The following RFC2 variants were observed in gnomAD, a reference collection of about 807,000 sequenced individuals.
The protein encoded by RFC2 is replication factor C subunit 2, also known as A1 40 kDa subunit.
Under a neutral mutation model 44.8 loss-of-function variants are expected in RFC2, and 34 were observed. The ratio of observed to expected loss-of-function variants is 0.76; its 90% CI spans 0.58 to 1.01. RFC2 has a LOEUF of 1.01. RFC2 is among the 50% of genes least tolerant of loss of function. RFC2 has a pLI of 0.00. For missense variants in RFC2, 400 were observed against 453.6 expected, an observed-to-expected ratio of 0.88 and a Z score of 1.07; for synonymous variants, 177 against 168.9, an observed-to-expected ratio of 1.05 and a Z score of -0.37.
chr7:74,233,842 T>A, intron 10 of RFC2: 3 of 456,612 alleles, frequency 6.6e-6, no homozygotes, highest in South Asian at 4.6e-5. Flanking sequence ...TCCTCCGGAA[T>A]GCTGGTGGGA....
chr7:74,235,576 T>A lies in RFC2; in HGVS notation c.910A>T (p.Lys304Ter), dbSNP rs782700036. Residue 304 changes from lysine to a stop codon, truncating the protein, a stop_gained, in exon 10 of 11, where the codon AAA becomes TAA. Coordinates refer to ENST00000055077, the MANE Select transcript of RFC2 (RefSeq NM_181471.3). LOFTEE classifies it high-confidence loss of function. ...DIIGNIFRVC[K>*]TFQMAEYLKL... The stretch of plus-strand genomic sequence containing the variant: ...AGGTATTCTGCCATTTGGAAAGTTT[T>A]ACACACTCGAAAGATGTTGCCAATG... 3 of 1,613,802 alleles carry A rather than the reference T, an allele frequency of 1.9e-6. No homozygotes were observed. In the South Asian group the frequency reaches 3.3e-5, roughly 18 times the overall value.
At chr7:74,248,942 A>C (rs2116333457) in intron 4 of RFC2, 70 bp downstream of exon 4, 1 of 1,077,066 alleles carries the variant, frequency 9.3e-7, no homozygotes, top group South Asian at 1.3e-5. Context: ...CAATGCTGAG[A>C]AAGGTTGTTT....
At chr7:74,249,535 C>T (rs189397391) in intron 3 of RFC2, among the ~76,000 whole-genome samples, 13 of 151,020 alleles carry the variant, frequency 8.6e-5, no homozygotes, top group Admixed American at 8.6e-4. Flanking sequence ...AGTGAGACTC[C>T]GTTTCAGAAA....
chr7:74,252,735 G>C (rs1197471169), intron 1 of RFC2, among the ~76,000 whole-genome samples: 7 of 152,076 alleles, frequency 4.6e-5, no homozygotes, highest in Non-Finnish European at 1.0e-4. Flanking sequence ...AGGAGTTTGA[G>C]CCCAGTCTGG....
At chr7:74,234,707 T>C (rs1802910272) in intron 10 of RFC2, among the ~76,000 whole-genome samples, 1 of 152,098 alleles carries the variant, frequency 6.6e-6, no homozygotes, top group African/African-American at 2.4e-5. Context: ...ATTAGGTCCC[T>C]GGAGAGCTGG....
chr7:74,242,489 T>C (rs1803387236), intron 6 of RFC2, among the ~76,000 whole-genome samples: 1 of 152,128 alleles, frequency 6.6e-6, no homozygotes, highest in Non-Finnish European at 1.5e-5. Flanking sequence ...TAAAAGTTGA[T>C]TACAATGGGA....
rs544209283 is a variant in RFC2, at chr7:74,241,998, G to A, written c.535+1148C>T. Among the ~76,000 whole-genome samples, 8 of 152,264 alleles carry A rather than the reference G, an allele frequency of 5.3e-5. No individual in the cohort carries two copies. In the South Asian group the frequency reaches 1.7e-3, roughly 32 times the overall value. Reference sequence around the variant, plus strand: ...GAGAAGGATGTGAAACCAGCAGGAAGTTGACAGACTAGAGCACTCTTGGGA... The same window carrying A: ...GAGAAGGATGTGAAACCAGCAGGAAATTGACAGACTAGAGCACTCTTGGGA... On this transcript the variant is annotated intron_variant, in intron 6 of 10. Transcript: ENST00000055077.
intron 5 of RFC2, among the ~76,000 whole-genome samples, chr7:74,245,516 TC>T (rs1803551122): frequency 7.4e-6 from 1 of 136,024 alleles, no homozygotes; most frequent in Non-Finnish European, 1.6e-5. Flanking sequence ...ATCAAGACCA[TC>T]CTGGCTAACA....
chr7:74,245,898 TA>T (rs1803575344), intron 5 of RFC2, among the ~76,000 whole-genome samples: 1 of 150,948 alleles, frequency 6.6e-6, no homozygotes, highest in Admixed American at 6.6e-5. Context: ...CCATCTCTAC[TA>T]AAAATACAAA....
chr7:74,242,749 TAAAAAAAAAAAA>T (rs71094767), intron 6 of RFC2, among the ~76,000 whole-genome samples: 1 of 105,650 alleles, frequency 9.5e-6, no homozygotes, highest in Non-Finnish European at 1.9e-5. Flanking sequence ...CCCCATCTCT[TAAAAAAAAAAAA>T]AAAAAAAAAA....
At chr7:74,246,610 GA>G in intron 5 of RFC2, 51 bp downstream of exon 5, 2 of 1,267,356 alleles carry the variant, frequency 1.6e-6, no homozygotes, top group Admixed American at 4.0e-5. Flanking sequence ...GAATAAAACC[GA>G]AAAAGAGATT....
At chr7:74,239,621 G>A (rs977388988) in intron 7 of RFC2, among the ~76,000 whole-genome samples, 1 of 152,158 alleles carries the variant, frequency 6.6e-6, no homozygotes, top group African/African-American at 2.4e-5. Context: ...GTGAGCCACT[G>A]TGCCTGGCCA....
rs185863585 is a variant in RFC2, at chr7:74,245,189, C to A, written c.434+1473G>T. ...GGATTACAGGTATGTGCCACCACAC[C>A]TGGCTAATTTTGTATTTTTAGTAGA... On this transcript the variant is annotated intron_variant, in intron 5 of 10. Transcript: ENST00000055077. Among the ~76,000 whole-genome samples the A allele has an allele frequency of 9.1e-4, 138 of 151,888 alleles. No individual in the cohort carries two copies. The Middle Eastern group carries it at 0.014, about 15-fold the overall frequency.
At chr7:74,240,819 G>C (rs781828846) in intron 6 of RFC2, among the ~76,000 whole-genome samples, 13 of 152,148 alleles carry the variant, frequency 8.5e-5, no homozygotes, top group Non-Finnish European at 1.0e-4. Context: ...TCATAGACAG[G>C]GTTTTGCTGT....
chr7:74,252,200 G>C (rs1787002511), intron 2 of RFC2, among the ~76,000 whole-genome samples: 1 of 149,566 alleles, frequency 6.7e-6, no homozygotes. Flanking sequence ...GAGGTCAGGA[G>C]ATTGAGACCA....
At chr7:74,242,537 T>TA (rs1387721964) in intron 6 of RFC2, among the ~76,000 whole-genome samples, 1 of 151,854 alleles carries the variant, frequency 6.6e-6, no homozygotes, top group Non-Finnish European at 1.5e-5. Flanking sequence ...CCTTGTCAAT[T>TA]AAAAAAATAT....
At chr7:74,245,116 G>C (rs574047550) in intron 5 of RFC2, among the ~76,000 whole-genome samples, 1 of 149,926 alleles carries the variant, frequency 6.7e-6, no homozygotes, top group Non-Finnish European at 1.5e-5. Flanking sequence ...CACAACCTTC[G>C]CCTCCGGGGT....
intron 9 of RFC2, among the ~76,000 whole-genome samples, chr7:74,235,964 C>T (rs1242055592): frequency 6.6e-6 from 1 of 152,170 alleles, no homozygotes; most frequent in African/African-American, 2.4e-5. Flanking sequence ...CAGCCTATCG[C>T]AAATGTGTTA....
rs1554720736 is a variant in RFC2, at chr7:74,249,743, A to G, written c.221T>C (p.Ile74Thr). ...GGCCCAGGGCTGGGTACTCACCGCAATGATGATGTTGGGCACATTTCCTTC... is the reference window on the plus strand; with the variant it reads ...GGCCCAGGGCTGGGTACTCACCGCAGTGATGATGTTGGGCACATTTCCTTC... ...AREGNVPNII[I>T]AGPPGTGKTT... is the part of the protein sequence containing the mutation. The change falls in exon 3 of 11, where the codon ATT (isoleucine) becomes ACT (threonine). Residue 74 changes from isoleucine (I) to threonine (T), a missense_variant. By Grantham distance (89) the Ile-to-Thr change is moderately conservative. Coordinates refer to ENST00000055077, the MANE Select transcript of RFC2 (RefSeq NM_181471.3). 8.7e-6 allele frequency: 14 copies of G among 1,613,498 alleles called. No homozygotes were observed. The highest frequency in any genetic ancestry group is 1.3e-5 in the African/African-American group (1 of 74,904).
Sources: gnomAD v4.1 joint callset for allele counts (sites outside exome capture counted in the v4.1 genomes callset) on GRCh38, gnomAD v4.1.1 for gene constraint, MANE v1.5 for transcripts, NCBI Gene and HGNC (gene_info 2026-07-23, HGNC 2026-07-21) for gene names.